The following BARX2 variants were observed in gnomAD, a reference collection of about 807,000 sequenced individuals.
BARX2 encodes homeobox protein BarH-like 2.
In BARX2, 11 loss-of-function variants were observed where a neutral mutation model predicts 25.5. The ratio of observed to expected loss-of-function variants is 0.43; its 90% confidence interval spans 0.27 to 0.71. The LOEUF is 0.71. Ranked by LOEUF, BARX2 falls within the 30% of genes least tolerant of loss-of-function variation. BARX2 has a pLI of 0.19. For missense variants in BARX2, 360 were observed against 359.9 expected (o/e 1.00, Z 0.00); for synonymous variants, 137 against 149.5 (o/e 0.92, Z 0.61).
intron 1 of BARX2, among the ~76,000 whole-genome samples, chr11:129,391,417 A>G (rs1861664531): frequency 6.6e-6 from 1 of 152,180 alleles, no homozygotes; most frequent in African/African-American, 2.4e-5. Flanking sequence ...TGACAGACAC[A>G]GCATGGCCCA....
intron 3 of BARX2, among the ~76,000 whole-genome samples, chr11:129,445,427 C>T (rs1355472505): frequency 6.6e-6 from 1 of 152,234 alleles, no homozygotes; most frequent in Non-Finnish European, 1.5e-5. Context: ...CGTGTGCCTT[C>T]GTCTCTGACG....
chr11:129,447,310 T>C lies in BARX2; in HGVS notation c.574-3826T>C, dbSNP rs142019977. On this transcript the variant is annotated intron_variant, in intron 3 of 3. Transcript: ENST00000281437. The stretch of plus-strand genomic sequence containing the variant: ...CATCTGAATACCTCGTTGCAGAGTT[T>C]GGAGGAGGGCTGTCACCAGGCACGG... Among the ~76,000 whole-genome samples, 5 of 152,262 alleles carry C rather than the reference T, an allele frequency of 3.3e-5. No homozygotes were observed. In the East Asian group the frequency reaches 9.7e-4, roughly 29 times the overall value.
intron 1 of BARX2, among the ~76,000 whole-genome samples, chr11:129,413,846 G>A (rs900441718): frequency 7.9e-5 from 12 of 152,006 alleles, no homozygotes; most frequent in Non-Finnish European, 1.6e-4. Flanking sequence ...GGCGGATCAC[G>A]AGGTCAGGAG....
chr11:129,424,683 T>A (rs1862044407), intron 1 of BARX2, among the ~76,000 whole-genome samples: 1 of 152,224 alleles, frequency 6.6e-6, no homozygotes, highest in South Asian at 2.1e-4. Flanking sequence ...CAGGAATTGC[T>A]TCTCTTCTTG....
intron 2 of BARX2, chr11:129,442,629 G>A (rs1034079226): frequency 5.3e-6 from 3 of 566,032 alleles, no homozygotes; most frequent in Admixed American, 2.6e-5. Flanking sequence ...CCTCAGGCAT[G>A]GGCATCTGTT....
intron 1 of BARX2, among the ~76,000 whole-genome samples, chr11:129,406,922 T>G (rs1185114593): frequency 6.6e-6 from 1 of 152,180 alleles, no homozygotes; most frequent in Non-Finnish European, 1.5e-5. Context: ...TTCTTCTGTT[T>G]TCAAGTATCC....
chr11:129,439,257 G>T (rs932416409), intron 2 of BARX2, among the ~76,000 whole-genome samples: 8 of 152,168 alleles, frequency 5.3e-5, no homozygotes, highest in African/African-American at 9.7e-5. Context: ...GAACAGAGAG[G>T]CAGGAATAGA....
At chr11:129,442,427 G>A (rs1275744132) in intron 2 of BARX2, among the ~76,000 whole-genome samples, 1 of 152,156 alleles carries the variant, frequency 6.6e-6, no homozygotes, top group Non-Finnish European at 1.5e-5. Context: ...GGCTGGGTCT[G>A]GAATGATGAG....
intron 3 of BARX2, 121 bp downstream of exon 3, chr11:129,443,040 T>G: frequency 2.4e-6 from 2 of 816,352 alleles, no homozygotes; most frequent in Non-Finnish European, 2.0e-6. Flanking sequence ...AGGCCTTCTA[T>G]GCTGCTGGCT....
intron 1 of BARX2, among the ~76,000 whole-genome samples, chr11:129,427,504 T>C (rs1179762382): frequency 1.3e-5 from 2 of 152,234 alleles, no homozygotes; most frequent in African/African-American, 4.8e-5. Context: ...TATGTCCCTC[T>C]GAAGCTTTCT....
upstream of BARX2, among the ~76,000 whole-genome samples, chr11:129,375,666 G>A (rs1463935197): frequency 2.0e-5 from 3 of 151,982 alleles, no homozygotes; most frequent in Admixed American, 2.0e-4. This position sits in a 1 kb window ranked among gnomAD's most constrained non-coding sequence, Gnocchi z 4.0. Flanking sequence ...ACCAGAGCGG[G>A]AGGCAGCGAC....
intron 1 of BARX2, among the ~76,000 whole-genome samples, chr11:129,426,004 C>CTT (rs368509688): frequency 1.5e-3 from 203 of 132,618 alleles, no homozygotes; most frequent in African/African-American, 4.1e-3. Flanking sequence ...GCCCTTCCTC[C>CTT]TTTTTTTTTT....
intron 1 of BARX2, among the ~76,000 whole-genome samples, chr11:129,400,818 A>T (rs1861767954): frequency 6.6e-6 from 1 of 152,082 alleles, no homozygotes; most frequent in Non-Finnish European, 1.5e-5. Flanking sequence ...GAGCAGAGGG[A>T]CTCCCAGCAT....
chr11:129,384,902 C>A (rs144633431), intron 1 of BARX2, among the ~76,000 whole-genome samples: 1 of 152,318 alleles, frequency 6.6e-6, no homozygotes, highest in Non-Finnish European at 1.5e-5. Context: ...GGTTTATCAT[C>A]TCCTTTGGTA....
At chr11:129,415,972 T>G (rs1861939217) in intron 1 of BARX2, among the ~76,000 whole-genome samples, 1 of 152,258 alleles carries the variant, frequency 6.6e-6, no homozygotes, top group South Asian at 2.1e-4. Context: ...CTTAGGCTCC[T>G]CAGAGTCCAT....
At chr11:129,415,648 AG>A (rs1464635927) in intron 1 of BARX2, among the ~76,000 whole-genome samples, 2 of 152,176 alleles carry the variant, frequency 1.3e-5, no homozygotes, top group African/African-American at 2.4e-5. Context: ...CCCCTTCTTA[AG>A]ACTAGATTGC....
chr11:129,377,290 C>T (rs1021565201), intron 1 of BARX2, among the ~76,000 whole-genome samples: 11 of 152,174 alleles, frequency 7.2e-5, no homozygotes, highest in Non-Finnish European at 1.0e-4. Flanking sequence ...GTTGTTAATG[C>T]TCAATGCGTG....
In BARX2 at chr11:129,390,187, C is replaced by G. The variant is rs1861653504; in HGVS notation, c.187+13965C>G. ...GCATCGCCAGTGAACAGGGTGATGC[C>G]TCTGTCCAGCCATTTATAATGATGA... On this transcript the variant is annotated intron_variant, in intron 1 of 3. Transcript: ENST00000281437. This position sits in a 1 kb window ranked among gnomAD's most constrained non-coding sequence, Gnocchi z 4.3. Among the ~76,000 whole-genome samples the G allele has an allele frequency of 6.6e-6, 1 of 152,186 alleles. No homozygotes were observed. The highest frequency in any genetic ancestry group is 2.4e-5 in the African/African-American group (1 of 41,448).
At chr11:129,406,845 G>A (rs1861835472) in intron 1 of BARX2, among the ~76,000 whole-genome samples, 1 of 152,168 alleles carries the variant, frequency 6.6e-6, no homozygotes, top group South Asian at 2.1e-4. Flanking sequence ...GGGACCACTG[G>A]AGTAATTAAA....
Sources: allele counts gnomAD v4.1 joint callset (sites outside exome capture counted in the v4.1 genomes callset), GRCh38; gene constraint gnomAD v4.1.1; non-coding constraint Gnocchi (gnomAD v3.1); transcripts MANE v1.5; gene names NCBI Gene and HGNC (gene_info 2026-07-23, HGNC 2026-07-21).